KCNH7: variants seen among roughly 807,000 people sequenced by gnomAD.
The protein encoded by KCNH7 is potassium voltage-gated channel subfamily H member 7.
A neutral mutation model predicts 120.8 loss-of-function variants in KCNH7; 49 were observed. The ratio of observed to expected loss-of-function variants is 0.41; its 90% confidence interval spans 0.32 to 0.51. The LOEUF (loss-of-function observed/expected upper bound fraction) is 0.51. Ranked by LOEUF, KCNH7 falls within the 20% of genes least tolerant of loss-of-function variation. KCNH7 has a pLI of 0.38. For synonymous variants in KCNH7, 547 were observed against 516.1 expected (o/e 1.06, Z -0.81); for missense variants, 1,097 against 1,446.6 (o/e 0.76, Z 3.92).
At position 162,577,386 on chromosome 2, in the gene KCNH7, TATCTATCTATCC is replaced by T. The variant is rs1301535695; in HGVS notation, c.308-40318_308-40307del. Reference sequence around the variant, plus strand: ...CTATCTATCTATCTATCTATCTATCTATCTATCTATCCATCTATCTATCTATCTATTCATAGG... The same window carrying T: ...CTATCTATCTATCTATCTATCTATCTATCTATCTATCTATCTATTCATAGG... On this transcript the variant is annotated intron_variant, in intron 2 of 15. Transcript: ENST00000332142. Among the ~76,000 whole-genome samples the T allele has an allele frequency of 2.2e-4, 26 of 120,652 alleles. No homozygotes were observed. The East Asian group carries it at 3.6e-3, about 17-fold the overall frequency. 79.2% of individuals were successfully genotyped at this position (120,652 alleles called of 152,430 possible).
At position 162,568,215 on chromosome 2, in the gene KCNH7, AC is replaced by A. The variant is rs372579205; in HGVS notation, c.308-31136del. Among the ~76,000 whole-genome samples, 708 of 152,072 alleles carry A rather than the reference AC, an allele frequency of 4.7e-3. 8 individuals carry two copies. Among genetic ancestry groups the A allele is most frequent in the African/African-American group, 0.016 (672 of 41,524 alleles). ...TCACGAGAACAACATGGGGGGAACC[AC>A]CCCCATGATTCAATTAGCTCCCCCA... On this transcript the variant is annotated intron_variant, in intron 2 of 15. Coordinates refer to ENST00000332142, the MANE Select transcript of KCNH7 (RefSeq NM_033272.4).
intron 6 of KCNH7, among the ~76,000 whole-genome samples, chr2:162,494,516 T>A (rs964590298): frequency 1.3e-5 from 2 of 152,116 alleles, no homozygotes; most frequent in Middle Eastern, 3.2e-3. Flanking sequence ...GAACAATAAG[T>A]GTATATGTTC....
At chr2:162,455,181 A>T (rs1688917555) in intron 6 of KCNH7, among the ~76,000 whole-genome samples, 1 of 152,138 alleles carries the variant, frequency 6.6e-6, no homozygotes, top group South Asian at 2.1e-4. Flanking sequence ...CCTTTCCTGC[A>T]TCTACTGAGA....
chr2:162,628,417 G>C (rs987054938), intron 2 of KCNH7, among the ~76,000 whole-genome samples: 1 of 152,104 alleles, frequency 6.6e-6, no homozygotes, highest in Admixed American at 6.6e-5. Context: ...GGTGAGGAAT[G>C]CTCATCTTCT....
intron 6 of KCNH7, among the ~76,000 whole-genome samples, chr2:162,499,345 C>A (rs1052590188): frequency 2.0e-5 from 3 of 152,036 alleles, no homozygotes; most frequent in African/African-American, 7.2e-5. Context: ...TCTTACAATT[C>A]ATTGTTTACT....
chr2:162,664,881 C>T (rs1410099199), intron 2 of KCNH7, among the ~76,000 whole-genome samples: 2 of 152,124 alleles, frequency 1.3e-5, no homozygotes, highest in Non-Finnish European at 2.9e-5. Flanking sequence ...TCTGGCTTCC[C>T]AGCCCTTCAC....
At chr2:162,526,492 C>T (rs187934977) in intron 3 of KCNH7, among the ~76,000 whole-genome samples, 70 of 151,722 alleles carry the variant, frequency 4.6e-4, no homozygotes, top group South Asian at 2.3e-3. Flanking sequence ...GCCGCCCCCC[C>T]GAAGCAGCCA....
chr2:162,644,849 C>T lies in KCNH7; in HGVS notation c.308-107769G>A, dbSNP rs139631894. On this transcript the variant is annotated intron_variant, in intron 2 of 15. Transcript: ENST00000332142. ...GCAAGTGAAGACTATATTTAACACA[C>T]TGCTTCATTAAATCACTAACACTGC... is the stretch of plus-strand genomic sequence containing the variant. 7.1e-3 allele frequency among the ~76,000 whole-genome samples: 1,077 copies of T among 152,280 alleles called. 8 individuals are homozygous for T. Among genetic ancestry groups the T allele is most frequent in the Middle Eastern group, 0.017 (5 of 294 alleles).
At chr2:162,646,793 C>A (rs1684374115) in intron 2 of KCNH7, among the ~76,000 whole-genome samples, 1 of 152,128 alleles carries the variant, frequency 6.6e-6, no homozygotes, top group Non-Finnish European at 1.5e-5. Flanking sequence ...CTAGATGCTG[C>A]CAACAACCTG....
At chr2:162,679,224 C>G (rs965659833) in intron 2 of KCNH7, among the ~76,000 whole-genome samples, 4 of 151,486 alleles carry the variant, frequency 2.6e-5, no homozygotes, top group Admixed American at 6.6e-5. Context: ...GAACAGCAAT[C>G]TTGCTTGTAT....
chr2:162,548,523 T>C (rs1017681610), intron 2 of KCNH7, among the ~76,000 whole-genome samples: 1 of 152,154 alleles, frequency 6.6e-6, no homozygotes, highest in Non-Finnish European at 1.5e-5. Context: ...ATGACTGCTA[T>C]TGTCCATTTC....
At chr2:162,408,541 C>T (rs1687296809) in intron 9 of KCNH7, among the ~76,000 whole-genome samples, 6 of 151,920 alleles carry the variant, frequency 3.9e-5, no homozygotes, top group Admixed American at 3.9e-4. Flanking sequence ...GTGCTCCAAA[C>T]CTATTTATGC....
intron 2 of KCNH7, among the ~76,000 whole-genome samples, chr2:162,601,331 T>C (rs946867469): frequency 2.0e-5 from 3 of 148,478 alleles, no homozygotes; most frequent in Non-Finnish European, 4.5e-5. Flanking sequence ...CAAATTCATT[T>C]GCCAATAATC....
chr2:162,505,228 G>A (rs1319761738), intron 5 of KCNH7, among the ~76,000 whole-genome samples: 1 of 151,900 alleles, frequency 6.6e-6, no homozygotes. Context: ...TACAGATAAA[G>A]CTGCAGAGGG....
rs371109937 is a variant in KCNH7, at chr2:162,680,381, G to A, written c.308-143301C>T. On this transcript the variant is annotated intron_variant, in intron 2 of 15. Transcript: ENST00000332142. ...AGAATGAGTGAATAGGACTCGTGGAGAAAGAAAAGGAGTTAGATATATGTG... is the reference window on the plus strand; with the variant it reads ...AGAATGAGTGAATAGGACTCGTGGAAAAAGAAAAGGAGTTAGATATATGTG... Among the ~76,000 whole-genome samples the A allele has an allele frequency of 3.1e-4, 47 of 151,854 alleles. 1 individual carries two copies. The highest frequency in any genetic ancestry group is 1.0e-3 in the African/African-American group (43 of 41,516).
At chr2:162,690,851 A>G (rs1180370424) in intron 2 of KCNH7, among the ~76,000 whole-genome samples, 4 of 152,166 alleles carry the variant, frequency 2.6e-5, no homozygotes. Flanking sequence ...GGGGAAGTGT[A>G]TTGCTTATAT....
chr2:162,725,691 T>G (rs1357233195), intron 2 of KCNH7, among the ~76,000 whole-genome samples: 1 of 152,238 alleles, frequency 6.6e-6, no homozygotes, highest in African/African-American at 2.4e-5. Context: ...CTTGTCTGTT[T>G]TCTTCCACAA....
At chr2:162,440,013 A>T (rs1688370940) in intron 7 of KCNH7, among the ~76,000 whole-genome samples, 1 of 151,892 alleles carries the variant, frequency 6.6e-6, no homozygotes, top group South Asian at 2.1e-4. Context: ...ACTTCTTGTC[A>T]GTATTAAACA....
At chr2:162,751,632 C>G (rs1307428902) in intron 2 of KCNH7, among the ~76,000 whole-genome samples, 1 of 151,718 alleles carries the variant, frequency 6.6e-6, no homozygotes. Flanking sequence ...TTGTAAAGGA[C>G]CTATTTGCAG....
Sources: allele counts gnomAD v4.1 joint callset (sites outside exome capture counted in the v4.1 genomes callset), GRCh38; gene constraint gnomAD v4.1.1; transcripts MANE v1.5; gene names NCBI Gene and HGNC (gene_info 2026-07-23, HGNC 2026-07-21).